The following SOX6 variants were observed in gnomAD, a reference collection of about 807,000 sequenced individuals.
The protein encoded by SOX6 is SRY-box transcription factor 6, also known as transcription factor SOX-6.
In SOX6, 11 loss-of-function variants were observed where a neutral mutation model predicts 97.8. That is an observed-to-expected ratio of 0.11 (90% CI 0.07 to 0.19). SOX6 has a LOEUF of 0.19. SOX6 is among the 10% of genes least tolerant of loss of function. The probability of loss-of-function intolerance (pLI) is 1.00; values close to 1 mark genes in which losing one functional copy is unlikely to be tolerated. For synonymous variants in SOX6, 360 were observed against 371.4 expected (o/e 0.97, Z 0.35); for missense variants, 810 against 1,039.5 (o/e 0.78, Z 3.04).
At chr11:16,241,686 T>C (rs1199415994) in intron 3 of SOX6, among the ~76,000 whole-genome samples, 1 of 151,852 alleles carries the variant, frequency 6.6e-6, no homozygotes, top group Non-Finnish European at 1.5e-5. Context: ...CAAAGACAAA[T>C]TCAATCCAAT....
At chr11:16,234,367 T>C (rs935377623) in intron 4 of SOX6, among the ~76,000 whole-genome samples, 3 of 152,190 alleles carry the variant, frequency 2.0e-5, no homozygotes, top group South Asian at 4.1e-4. Flanking sequence ...ATAAGTTATA[T>C]GTTTATAGAC....
chr11:16,119,279 G>T (rs1849430613), intron 6 of SOX6, among the ~76,000 whole-genome samples: 2 of 152,142 alleles, frequency 1.3e-5, no homozygotes, highest in Admixed American at 1.3e-4. Flanking sequence ...AATTCTGGAG[G>T]TTAGGAGGAA....
chr11:16,017,070 G>A (rs946032620), intron 12 of SOX6, among the ~76,000 whole-genome samples: 10 of 151,950 alleles, frequency 6.6e-5, no homozygotes, highest in African/African-American at 2.4e-4. Flanking sequence ...GGAGAAGAGG[G>A]AAAATTACAT....
intron 3 of SOX6, among the ~76,000 whole-genome samples, chr11:16,630,964 G>A (rs1160589541): frequency 6.6e-6 from 1 of 152,022 alleles, no homozygotes; most frequent in Non-Finnish European, 1.5e-5. Flanking sequence ...TCTACTTTGA[G>A]CCTATGGATG....
chr11:16,387,355 T>G (rs1347452955), intron 1 of SOX6, among the ~76,000 whole-genome samples: 1 of 152,124 alleles, frequency 6.6e-6, no homozygotes, highest in East Asian at 1.9e-4. Context: ...GTAAGGTGAC[T>G]GCAAAGCAAA....
chr11:16,688,201 T>G (rs990183548), intron 3 of SOX6, among the ~76,000 whole-genome samples: 1 of 152,152 alleles, frequency 6.6e-6, no homozygotes, highest in Non-Finnish European at 1.5e-5. Context: ...CTCGAACTCC[T>G]GGGCTCAAGC....
intron 3 of SOX6, among the ~76,000 whole-genome samples, chr11:16,696,136 G>C (rs1848051981): frequency 6.6e-6 from 1 of 152,140 alleles, no homozygotes; most frequent in Non-Finnish European, 1.5e-5. Flanking sequence ...CATTTTGAAA[G>C]GTGTTATTGA....
chr11:16,148,450 C>T (rs1850372156), intron 6 of SOX6, among the ~76,000 whole-genome samples: 1 of 152,026 alleles, frequency 6.6e-6, no homozygotes, highest in African/African-American at 2.4e-5. Context: ...TTAAAACACG[C>T]TCAAATGTCA....
At chr11:16,035,223 A>C (rs1855487446) in intron 12 of SOX6, among the ~76,000 whole-genome samples, 1 of 152,192 alleles carries the variant, frequency 6.6e-6, no homozygotes, top group Non-Finnish European at 1.5e-5. Context: ...GTTTGGGGGA[A>C]GAAGGTGAAG....
intron 3 of SOX6, among the ~76,000 whole-genome samples, chr11:16,281,157 A>T (rs1854548218): frequency 6.6e-6 from 1 of 152,060 alleles, no homozygotes; most frequent in African/African-American, 2.4e-5. Context: ...GTAAAGCCTA[A>T]AACTTTATTA....
At chr11:16,387,813 A>G (rs1181629320) in intron 1 of SOX6, among the ~76,000 whole-genome samples, 1 of 152,136 alleles carries the variant, frequency 6.6e-6, no homozygotes, top group African/African-American at 2.4e-5. Flanking sequence ...ATTGTTTACT[A>G]TGCAATTTTG....
At chr11:16,049,579 T>C in intron 11 of SOX6, 176 bp downstream of exon 11, 1 of 737,646 alleles carries the variant, frequency 1.4e-6, no homozygotes, top group Non-Finnish European at 2.2e-6. Context: ...TTATGACCTT[T>C]TCCAAAAGTT....
chr11:16,031,455 G>A (rs1331553394), intron 12 of SOX6: 1 of 152,102 alleles, frequency 6.6e-6, no homozygotes, highest in Admixed American at 6.6e-5. Flanking sequence ...TTCATATATG[G>A]TTAATTCTTA....
intron 4 of SOX6, among the ~76,000 whole-genome samples, chr11:16,527,975 T>G (rs755655311): frequency 1.3e-5 from 2 of 152,072 alleles, no homozygotes; most frequent in Admixed American, 6.6e-5. Flanking sequence ...AAAATAAATA[T>G]TCATTTCTCA....
chr11:16,232,001 GT>G (rs887271180), intron 4 of SOX6, among the ~76,000 whole-genome samples: 5 of 151,486 alleles, frequency 3.3e-5, no homozygotes, highest in Non-Finnish European at 7.4e-5. Context: ...CTACCTTTTT[GT>G]TTTTTTGTAT....
chr11:16,100,919 A>G (rs149393070), intron 7 of SOX6, among the ~76,000 whole-genome samples: 1 of 151,640 alleles, frequency 6.6e-6, no homozygotes, highest in African/African-American at 2.4e-5. Flanking sequence ...TAGAGAGAGA[A>G]AAAAAATAAA....
chr11:16,503,891 A>C lies in SOX6; in HGVS notation n.610-27503T>G, dbSNP rs192279869. ...AACTCCGTCTGTACTAAAAATACAA[A>C]AATTAGCCAGGCATGGTGGTGGGTG... On this transcript the variant is annotated intron_variant and non_coding_transcript_variant, in intron 4 of 5. Transcript: ENST00000524520. Among the ~76,000 whole-genome samples the C allele has an allele frequency of 1.5e-3, 231 of 152,020 alleles. 1 individual carries two copies. The highest frequency in any genetic ancestry group is 4.9e-3 in the African/African-American group (204 of 41,460).
intron 6 of SOX6, among the ~76,000 whole-genome samples, chr11:16,127,266 T>C (rs539063590): frequency 4.7e-4 from 72 of 152,178 alleles, no homozygotes; most frequent in African/African-American, 1.5e-3. Flanking sequence ...AATTACTTGC[T>C]CCAAGTTAAT....
At chr11:16,289,840 G>T (rs1000320718) in intron 3 of SOX6, among the ~76,000 whole-genome samples, 13 of 151,900 alleles carry the variant, frequency 8.6e-5, no homozygotes, top group African/African-American at 3.1e-4. Context: ...CAATGGCTAC[G>T]TCACAAAGAA....
Sources: allele counts gnomAD v4.1 joint callset (sites outside exome capture counted in the v4.1 genomes callset), GRCh38; gene constraint gnomAD v4.1.1; transcripts MANE v1.5; gene names NCBI Gene and HGNC (gene_info 2026-07-23, HGNC 2026-07-21).